TRIM71: variants seen among roughly 807,000 people sequenced by gnomAD.
TRIM71 encodes the protein E3 ubiquitin-protein ligase TRIM71.
Under a neutral mutation model 61.2 loss-of-function variants are expected in TRIM71, and 9 were observed. The ratio of observed to expected loss-of-function variants is 0.15; its 90% confidence interval spans 0.09 to 0.26. The LOEUF is 0.26. TRIM71 is among the 10% of genes least tolerant of loss of function. The probability of loss-of-function intolerance (pLI) is 1.00; values close to 1 mark genes in which losing one functional copy is unlikely to be tolerated. For synonymous variants in TRIM71, 645 were observed against 553.2 expected, an observed-to-expected ratio of 1.17 and a Z score of -2.33; for missense variants, 998 against 1,238.7, an observed-to-expected ratio of 0.81 and a Z score of 2.92.
chr3:32,869,435 G>A (rs1240557333), intron 1 of TRIM71, among the ~76,000 whole-genome samples: 1 of 152,224 alleles, frequency 6.6e-6, no homozygotes, highest in Non-Finnish European at 1.5e-5. Context: ...AGGGGTAGTT[G>A]TGTTTTAAAC....
At chr3:32,845,718 CT>C (rs67054324) in intron 1 of TRIM71, among the ~76,000 whole-genome samples, 136,769 of 146,112 alleles carry the variant, frequency 0.94, 64,358 homozygotes, top group East Asian at 0.99. Flanking sequence ...AAGTTTGGAT[CT>C]TTTTTTTTTT....
chr3:32,831,217 A>G (rs1450848400), intron 1 of TRIM71, among the ~76,000 whole-genome samples: 2 of 152,134 alleles, frequency 1.3e-5, no homozygotes, highest in Non-Finnish European at 2.9e-5. Flanking sequence ...GCTTCTTGGT[A>G]TAGGTAAGAC....
intron 2 of TRIM71, among the ~76,000 whole-genome samples, chr3:32,883,033 T>A (rs192540224): frequency 6.6e-6 from 1 of 152,230 alleles, no homozygotes; most frequent in African/African-American, 2.4e-5. Flanking sequence ...TCTGCCTCAG[T>A]GTGCTCTTTG....
chr3:32,890,490 A>G lies in TRIM71; in HGVS notation c.1286A>G (p.Asp429Gly). The change falls in exon 4 of 4, where the codon GAC becomes GGC. Residue 429 changes from aspartate to glycine, a missense_variant. Asp to Gly is a moderately conservative substitution (Grantham distance 94). Coordinates refer to ENST00000383763, the MANE Select transcript of TRIM71 (RefSeq NM_001039111.3). This position sits in a 1 kb window ranked among gnomAD's most constrained non-coding sequence, Gnocchi z 6.2. Reference protein sequence around the residue: ...QQVLEEGRALDILLARDRMLA... With the variant: ...QQVLEEGRALGILLARDRMLA... The stretch of plus-strand genomic sequence containing the variant: ...GTCCTGGAGGAGGGTAGAGCGCTAG[A>G]CATCCTACTGGCCCGAGACCGGATG... The G allele has an allele frequency of 6.2e-7, 1 of 1,614,164 alleles. No individual in the cohort carries two copies. Among genetic ancestry groups the G allele is most frequent in the Non-Finnish European group, 8.5e-7 (1 of 1,180,036 alleles).
intron 2 of TRIM71, among the ~76,000 whole-genome samples, chr3:32,885,100 G>A (rs183372786): frequency 4.6e-5 from 7 of 152,168 alleles, no homozygotes; most frequent in Non-Finnish European, 1.0e-4. Flanking sequence ...CTGGATGATT[G>A]GTCACTCTGA....
In TRIM71 at chr3:32,818,746, C is replaced by T; in HGVS notation, c.666C>T (p.Asn222=). The change falls in exon 1 of 4, where the codon AAC becomes AAT. Residue 222 remains asparagine, a synonymous_variant. Coordinates refer to ENST00000383763, the MANE Select transcript of TRIM71 (RefSeq NM_001039111.3). ...ACTGCCAGGAGCACCTGTGCGACAA[C>T]TGCGTCCGAGCGCACCAGCGCGTGC... ...CLDCQEHLCD[N]CVRAHQRVRL... 6.2e-7 allele frequency: 1 copy of T among 1,603,524 alleles called. No individual in the cohort carries two copies. Among genetic ancestry groups the T allele is most frequent in the South Asian group, 1.1e-5 (1 of 90,664 alleles).
intron 1 of TRIM71, among the ~76,000 whole-genome samples, chr3:32,849,643 A>T (rs566770846): frequency 2.0e-5 from 3 of 150,982 alleles, no homozygotes; most frequent in Non-Finnish European, 3.0e-5. Context: ...TACAGGCGTG[A>T]GCCTGGCCTA....
intron 1 of TRIM71, among the ~76,000 whole-genome samples, chr3:32,858,326 GACTGACGGTCGA>G (rs1696629290): frequency 6.6e-6 from 1 of 152,208 alleles, no homozygotes; most frequent in Non-Finnish European, 1.5e-5. Flanking sequence ...AACCTGCCCA[GACTGACGGTCGA>G]ACAGCTCTGG....
chr3:32,818,855 C>CCCTTTCCCGGCCCGCCCT lies in TRIM71; in HGVS notation c.776_793dup (p.Pro264_Phe265insSerPheProGlyProPro). On this transcript the variant is annotated inframe_insertion, in exon 1 of 4. Transcript: ENST00000383763. ...GGCGCAGCAGCTCGGGCTCGGGCCG[C>CCCTTTCCCGGCCCGCCCT]CCTTTCCCGGCCCGCCCTTCTCCAT... is the stretch of plus-strand genomic sequence containing the variant. 1 of 1,612,348 alleles carries CCCTTTCCCGGCCCGCCCT rather than the reference C, an allele frequency of 6.2e-7. No individual in the cohort carries two copies. The highest frequency in any genetic ancestry group is 8.5e-7 in the Non-Finnish European group (1 of 1,179,742).
At chr3:32,845,792 A>C (rs547069804) in intron 1 of TRIM71, among the ~76,000 whole-genome samples, 1 of 151,602 alleles carries the variant, frequency 6.6e-6, no homozygotes, top group East Asian at 2.0e-4. Flanking sequence ...GCTCACTGCA[A>C]CCTCTGCAAC....
At chr3:32,883,904 TC>T (rs1696934007) in intron 2 of TRIM71, among the ~76,000 whole-genome samples, 1 of 152,180 alleles carries the variant, frequency 6.6e-6, no homozygotes, top group Non-Finnish European at 1.5e-5. Flanking sequence ...AATGTGCTGT[TC>T]CCTTCCAGCT....
chr3:32,881,890 T>TG (rs1434959022), intron 2 of TRIM71, among the ~76,000 whole-genome samples: 1 of 152,164 alleles, frequency 6.6e-6, no homozygotes, highest in Non-Finnish European at 1.5e-5. Flanking sequence ...CACTATGCAT[T>TG]GGGTAGGGCT....
intron 1 of TRIM71, among the ~76,000 whole-genome samples, chr3:32,820,738 A>G (rs1005709715): frequency 6.6e-5 from 10 of 152,230 alleles, no homozygotes; most frequent in Admixed American, 6.5e-5. Context: ...TTCACTTTTA[A>G]AATTAGAAAA....
chr3:32,820,444 A>G (rs1696114872), intron 1 of TRIM71, among the ~76,000 whole-genome samples: 1 of 152,176 alleles, frequency 6.6e-6, no homozygotes, highest in South Asian at 2.1e-4. Flanking sequence ...ATGGACTCCT[A>G]GTTTTAATAT....
intron 1 of TRIM71, among the ~76,000 whole-genome samples, chr3:32,825,510 A>T (rs1696190584): frequency 6.6e-6 from 1 of 152,152 alleles, no homozygotes; most frequent in Non-Finnish European, 1.5e-5. Flanking sequence ...GTTCATTCTT[A>T]GCAAATAAAG....
chr3:32,829,899 T>TAAAAA, intron 1 of TRIM71, among the ~76,000 whole-genome samples: 1 of 151,804 alleles, frequency 6.6e-6, no homozygotes, highest in East Asian at 1.9e-4. Context: ...AAAAATCTGC[T>TAAAAA]TAATACTAAA....
chr3:32,854,724 T>C (rs781333271), intron 1 of TRIM71, among the ~76,000 whole-genome samples: 1 of 152,212 alleles, frequency 6.6e-6, no homozygotes, highest in Non-Finnish European at 1.5e-5. Context: ...GGCCACAGTT[T>C]GATGCTGATG....
At chr3:32,887,345 T>G (rs1696972335) in intron 3 of TRIM71, among the ~76,000 whole-genome samples, 1 of 152,138 alleles carries the variant, frequency 6.6e-6, no homozygotes, top group African/African-American at 2.4e-5. Flanking sequence ...CCTTCTTCAT[T>G]GTAGTAAGCA....
In TRIM71 at chr3:32,894,104, C is replaced by T. The variant is rs1205502852; in HGVS notation, c.*2293C>T. On this transcript the variant is annotated 3_prime_UTR_variant, in exon 4 of 4. Coordinates refer to ENST00000383763, the MANE Select transcript of TRIM71 (RefSeq NM_001039111.3). ...TTGGTAAAGAGTTAATATAATTAAA[C>T]ATTTTTACTGTTTTCTATTTTGGAG... 1 of 152,104 alleles carries T rather than the reference C, an allele frequency of 6.6e-6. No individual in the cohort carries two copies. Among genetic ancestry groups the T allele is most frequent in the African/African-American group, 2.4e-5 (1 of 41,412 alleles). The allele number at this position is 152,104 out of a possible 1,614,324, so 9.4% of individuals were successfully genotyped here.
Sources: gnomAD v4.1 joint callset for allele counts (sites outside exome capture counted in the v4.1 genomes callset) on GRCh38, gnomAD v4.1.1 for gene constraint, Gnocchi (gnomAD v3.1) non-coding constraint, MANE v1.5 for transcripts, NCBI Gene and HGNC (gene_info 2026-07-23, HGNC 2026-07-21) for gene names.